CABCOCO1: variants seen among roughly 807,000 people sequenced by gnomAD.
CABCOCO1 encodes the protein ciliary-associated calcium-binding coiled-coil protein 1.
CABCOCO1 carries 28 observed loss-of-function variants against 35.7 expected under a neutral mutation model. The ratio of observed to expected loss-of-function variants is 0.78; its 90% CI spans 0.58 to 1.07. CABCOCO1 has a LOEUF of 1.07. Among genes scored for constraint, CABCOCO1 ranks in the 50% least tolerant of loss-of-function variants. The pLI is 0.00. For synonymous variants in CABCOCO1, 95 were observed against 100.1 expected, an observed-to-expected ratio of 0.95 and a Z score of 0.30; for missense variants, 326 against 309.2, an observed-to-expected ratio of 1.05 and a Z score of -0.41.
chr10:61,747,576 T>A (rs1748621625), intron 5 of CABCOCO1, among the ~76,000 whole-genome samples: 1 of 152,200 alleles, frequency 6.6e-6, no homozygotes, highest in Admixed American at 6.5e-5. Flanking sequence ...GGTTTTGCAA[T>A]GTTCCTTTAT....
At chr10:61,690,224 G>C (rs1045214441) in intron 4 of CABCOCO1, among the ~76,000 whole-genome samples, 2 of 152,044 alleles carry the variant, frequency 1.3e-5, no homozygotes, top group Non-Finnish European at 2.9e-5. Flanking sequence ...TTTAGTAATG[G>C]TGCATTATTT....
At chr10:61,762,243 C>T (rs778292549) in intron 7 of CABCOCO1, among the ~76,000 whole-genome samples, 6 of 152,074 alleles carry the variant, frequency 3.9e-5, no homozygotes, top group Non-Finnish European at 7.4e-5. Context: ...AAATTGAAAA[C>T]GTCTTTACCA....
intron 2 of CABCOCO1, among the ~76,000 whole-genome samples, chr10:61,673,987 A>G (rs1336949524): frequency 6.6e-6 from 1 of 152,226 alleles, no homozygotes; most frequent in African/African-American, 2.4e-5. Context: ...GCAATGCAAA[A>G]CAATAGGTAT....
chr10:61,704,124 T>C (rs1216775463), intron 5 of CABCOCO1, among the ~76,000 whole-genome samples: 1 of 152,066 alleles, frequency 6.6e-6, no homozygotes, highest in East Asian at 1.9e-4. Flanking sequence ...CTCAGGAGGC[T>C]GAGTCAGGAG....
At chr10:61,708,967 C>A (rs1049581499) in intron 5 of CABCOCO1, among the ~76,000 whole-genome samples, 1 of 152,090 alleles carries the variant, frequency 6.6e-6, no homozygotes, top group Non-Finnish European at 1.5e-5. Context: ...AAACTTTATA[C>A]ACTGTTCATT....
intron 6 of CABCOCO1, 111 bp downstream of exon 6, chr10:61,760,292 A>C: frequency 7.4e-7 from 1 of 1,352,920 alleles, no homozygotes; most frequent in Non-Finnish European, 1.0e-6. Context: ...GATTTTTCCC[A>C]ACCAAATACA....
intron 5 of CABCOCO1, among the ~76,000 whole-genome samples, chr10:61,699,485 A>G (rs1389740203): frequency 1.3e-5 from 2 of 152,102 alleles, no homozygotes; most frequent in African/African-American, 2.4e-5. Context: ...CTCTGTGACC[A>G]GTTCTCTGAT....
At chr10:61,742,568 G>A (rs1824616447) in intron 5 of CABCOCO1, among the ~76,000 whole-genome samples, 1 of 152,262 alleles carries the variant, frequency 6.6e-6, no homozygotes, top group South Asian at 2.1e-4. Flanking sequence ...CCTTGGAACA[G>A]TAACATCACC....
At chr10:61,698,347 A>G (rs1001059630) in intron 5 of CABCOCO1, among the ~76,000 whole-genome samples, 1 of 152,126 alleles carries the variant, frequency 6.6e-6, no homozygotes, top group Non-Finnish European at 1.5e-5. Flanking sequence ...CACCATTCAC[A>G]TTGCAGTCCA....
chr10:61,697,823 C>T (rs866960692), intron 5 of CABCOCO1, among the ~76,000 whole-genome samples: 1 of 151,996 alleles, frequency 6.6e-6, no homozygotes, highest in African/African-American at 2.4e-5. Context: ...TTTTACAAGA[C>T]GAAAGGCTGC....
chr10:61,711,220 C>A (rs1219107416), intron 5 of CABCOCO1, among the ~76,000 whole-genome samples: 1 of 151,950 alleles, frequency 6.6e-6, no homozygotes, highest in Non-Finnish European at 1.5e-5. Flanking sequence ...ATCAGATTGC[C>A]AACTATTTCA....
intron 2 of CABCOCO1, among the ~76,000 whole-genome samples, chr10:61,674,692 C>T (rs1349332761): frequency 6.6e-6 from 1 of 152,066 alleles, no homozygotes; most frequent in Non-Finnish European, 1.5e-5. Context: ...CATTTCCCTA[C>T]CTCTTAAAAT....
intron 5 of CABCOCO1, among the ~76,000 whole-genome samples, chr10:61,736,955 G>T (rs543570835): frequency 6.6e-6 from 1 of 152,060 alleles, no homozygotes; most frequent in Admixed American, 6.6e-5. Context: ...GGTTGCTGCT[G>T]ATGTGTAGGA....
intron 5 of CABCOCO1, among the ~76,000 whole-genome samples, chr10:61,693,364 G>A (rs1187506928): frequency 1.3e-5 from 2 of 152,038 alleles, no homozygotes; most frequent in Non-Finnish European, 2.9e-5. Context: ...CTGATCTCAG[G>A]GCTCTGGGAC....
At chr10:61,663,381 T>G (rs1348965263) in intron 1 of CABCOCO1, among the ~76,000 whole-genome samples, 2 of 151,868 alleles carry the variant, frequency 1.3e-5, no homozygotes, top group South Asian at 2.1e-4. Flanking sequence ...ATGTTTTTTT[T>G]TTTTTTAATT....
intron 2 of CABCOCO1, among the ~76,000 whole-genome samples, chr10:61,680,494 A>ATATGTTATAT (rs1353849287): frequency 7.2e-6 from 1 of 138,084 alleles, no homozygotes; most frequent in Non-Finnish European, 1.5e-5. Context: ...ATAACATATT[A>ATATGTTATAT]TATGTTATAT....
At chr10:61,739,077 T>A (rs946455198) in intron 5 of CABCOCO1, among the ~76,000 whole-genome samples, 1 of 152,222 alleles carries the variant, frequency 6.6e-6, no homozygotes, top group Non-Finnish European at 1.5e-5. Context: ...AATAGGGATC[T>A]GCAAGAGAAC....
intron 1 of CABCOCO1, among the ~76,000 whole-genome samples, chr10:61,670,712 C>G (rs1018344360): frequency 6.6e-6 from 1 of 152,164 alleles, no homozygotes; most frequent in African/African-American, 2.4e-5. Flanking sequence ...TGCCCTCTTT[C>G]CCCACAAAGT....
intron 5 of CABCOCO1, among the ~76,000 whole-genome samples, chr10:61,743,915 C>G (rs1841602008): frequency 1.3e-5 from 2 of 152,152 alleles, no homozygotes; most frequent in Non-Finnish European, 2.9e-5. Flanking sequence ...CTAGAACACT[C>G]TACATATACT....
Sources: gnomAD v4.1 joint callset for allele counts (sites outside exome capture counted in the v4.1 genomes callset) on GRCh38, gnomAD v4.1.1 for gene constraint, MANE v1.5 for transcripts, NCBI Gene and HGNC (gene_info 2026-07-23, HGNC 2026-07-21) for gene names.